The following COL11A1 variants were observed in gnomAD, a reference collection of about 807,000 sequenced individuals.
COL11A1 encodes the protein collagen type XI alpha 1 chain, also known as collagen alpha-1(XI) chain.
Under a neutral mutation model 265.2 loss-of-function variants are expected in COL11A1, and 74 were observed. The observed-to-expected ratio is 0.28, with a 90% CI of 0.23 to 0.34. The LOEUF (loss-of-function observed/expected upper bound fraction) is 0.34. COL11A1 is among the 10% of genes least tolerant of loss of function. The pLI, the probability that COL11A1 is intolerant of heterozygous loss-of-function variation, is 1.00. For synonymous variants in COL11A1, 816 were observed against 727.6 expected (o/e 1.12, Z -1.96); for missense variants, 2,165 against 2,263.6 (o/e 0.96, Z 0.88).
chr1:102,930,283 TG>T (rs1210181782), intron 46 of COL11A1, among the ~76,000 whole-genome samples: 2 of 151,900 alleles, frequency 1.3e-5, no homozygotes, highest in African/African-American at 4.8e-5. Context: ...CCTAATTTAT[TG>T]AGAGTTTTTA....
chr1:103,039,524 C>T lies in COL11A1; in HGVS notation c.652-8280G>A, dbSNP rs199972597. On this transcript the variant is annotated intron_variant, in intron 4 of 66. Transcript: ENST00000370096. Reference sequence around the variant, plus strand: ...AAGAAAGGAGTAAGACACAAACACACACAGAGGAAAGACCATGTAAAGACA... The same window carrying T: ...AAGAAAGGAGTAAGACACAAACACATACAGAGGAAAGACCATGTAAAGACA... 5.9e-5 allele frequency among the ~76,000 whole-genome samples: 9 copies of T among 152,138 alleles called. No individual in the cohort carries two copies. In the East Asian group the frequency reaches 9.7e-4, roughly 16 times the overall value.
At chr1:102,969,148 T>C (rs1043729678) in intron 37 of COL11A1, among the ~76,000 whole-genome samples, 2 of 152,206 alleles carry the variant, frequency 1.3e-5, no homozygotes, top group Admixed American at 1.3e-4. Context: ...TCAATTTTGC[T>C]TTTGAAATCC....
intron 58 of COL11A1, 49 bp downstream of exon 58, chr1:102,890,402 G>T: frequency 7.0e-7 from 1 of 1,430,052 alleles, no homozygotes. Flanking sequence ...AGGGCTATTA[G>T]TATATAAAAG....
intron 63 of COL11A1, chr1:102,884,207 G>A (rs754354336): frequency 6.6e-6 from 1 of 152,148 alleles, no homozygotes; most frequent in Non-Finnish European, 1.5e-5. Flanking sequence ...GGCAAGTCAT[G>A]GAAATTAGAA....
intron 4 of COL11A1, among the ~76,000 whole-genome samples, chr1:103,048,566 T>C (rs552649993): frequency 3.9e-5 from 6 of 152,164 alleles, no homozygotes; most frequent in Non-Finnish European, 8.8e-5. Flanking sequence ...GACTCACTGA[T>C]TTTTTGAAGG....
intron 30 of COL11A1, 96 bp from the exon 31 acceptor site, chr1:102,984,287 T>G (rs981086633): frequency 2.6e-6 from 2 of 757,512 alleles, no homozygotes; most frequent in Admixed American, 5.0e-5. Context: ...AATCACATAT[T>G]GTACACTCAA....
chr1:102,945,162 T>C (rs1264275632), intron 42 of COL11A1, among the ~76,000 whole-genome samples: 1 of 152,228 alleles, frequency 6.6e-6, no homozygotes, highest in Non-Finnish European at 1.5e-5. Flanking sequence ...GAAAGCTGAT[T>C]AGGCCATGAG....
chr1:103,026,484 T>A, intron 5 of COL11A1, 152 bp from the exon 6 acceptor site: 1 of 651,894 alleles, frequency 1.5e-6, no homozygotes, highest in Non-Finnish European at 2.8e-6. Context: ...CATAGAAGTA[T>A]TATACTGTCT....
At chr1:102,903,834 T>C (rs1653542291) in intron 54 of COL11A1, among the ~76,000 whole-genome samples, 1 of 152,162 alleles carries the variant, frequency 6.6e-6, no homozygotes, top group Non-Finnish European at 1.5e-5. Flanking sequence ...ATATGTACAG[T>C]GTATAAACAG....
chr1:102,977,799 A>T (rs1662647542), intron 35 of COL11A1, among the ~76,000 whole-genome samples: 1 of 152,108 alleles, frequency 6.6e-6, no homozygotes, highest in African/African-American at 2.4e-5. Context: ...AAATTAATTA[A>T]ATATGAGCCA....
rs145924969 is a variant in COL11A1 at position 102,973,752 on chromosome 1, A to C, written c.2808+1078T>G. Among the ~76,000 whole-genome samples, 252 of 152,330 alleles carry C rather than the reference A, an allele frequency of 1.7e-3. 1 individual carries two copies. Among genetic ancestry groups the C allele is most frequent in the Middle Eastern group, 0.01 (3 of 292 alleles). ...TTTCTATAACCTTGTAATACAGATA[A>C]CAATACTTTCCTAATATCTTTGCAG... On this transcript the variant is annotated intron_variant, in intron 36 of 66. Coordinates refer to ENST00000370096, the MANE Select transcript of COL11A1 (RefSeq NM_001854.4).
At chr1:102,941,187 T>C (rs1175553765) in intron 42 of COL11A1, among the ~76,000 whole-genome samples, 1 of 152,134 alleles carries the variant, frequency 6.6e-6, no homozygotes, top group African/African-American at 2.4e-5. Context: ...TAACATCTCC[T>C]GCTCCTTTAA....
chr1:103,005,889 T>A lies in COL11A1; in HGVS notation c.1794A>T (p.Gly598=), dbSNP rs199986197. 3 of 1,588,814 alleles carry A rather than the reference T, an allele frequency of 1.9e-6. No individual in the cohort carries two copies. Among genetic ancestry groups the A allele is most frequent in the Non-Finnish European group, 2.6e-6 (3 of 1,171,646 alleles). The change falls in exon 18 of 67, where the codon GGA becomes GGT. Residue 598 remains glycine, a splice_region_variant and synonymous_variant. Transcript: ENST00000370096. ...RGMPGEPGAK[G]DRGFDGLPGL... is the part of the protein sequence containing the mutation. ...CCGGAAGTCCATCAAACCCTCGATC[T>A]CCCTGTAAAACCATCATCATCATCA...
chr1:103,041,788 A>G (rs551984384), intron 4 of COL11A1, among the ~76,000 whole-genome samples: 3 of 152,130 alleles, frequency 2.0e-5, no homozygotes, highest in African/African-American at 4.8e-5. Context: ...TGAACATGCA[A>G]TATCTGTTGA....
chr1:103,011,074 G>A (rs938597676), intron 14 of COL11A1, among the ~76,000 whole-genome samples: 1 of 152,058 alleles, frequency 6.6e-6, no homozygotes, highest in Non-Finnish European at 1.5e-5. Context: ...CCTGGTGCAC[G>A]TATTAAAATT....
intron 30 of COL11A1, among the ~76,000 whole-genome samples, chr1:102,985,672 T>C (rs937502638): frequency 3.1e-4 from 47 of 152,272 alleles, no homozygotes; most frequent in African/African-American, 1.1e-3. Flanking sequence ...TAAACTAACA[T>C]ATACTAATGA....
At chr1:103,088,146 TC>T (rs1673024566) in intron 1 of COL11A1, among the ~76,000 whole-genome samples, 1 of 152,134 alleles carries the variant, frequency 6.6e-6, no homozygotes, top group Admixed American at 6.5e-5. Context: ...TTGTTTCATC[TC>T]TAATTCCTTC....
chr1:102,914,932 AT>A, intron 50 of COL11A1, 121 bp from the exon 51 acceptor site: 8 of 790,476 alleles, frequency 1.0e-5, no homozygotes, highest in Non-Finnish European at 1.0e-5. Context: ...TTTAGACGGA[AT>A]ATCACTTTGT....
In COL11A1 at chr1:102,935,117, C is replaced by T. The variant is rs370294344; in HGVS notation, c.3439-4G>A. The T allele has an allele frequency of 1.2e-6, 2 of 1,613,146 alleles. No individual in the cohort carries two copies. Among genetic ancestry groups the T allele is most frequent in the African/African-American group, 1.3e-5 (1 of 74,886 alleles). On this transcript the variant is annotated splice_polypyrimidine_tract_variant and splice_region_variant and intron_variant, in intron 44 of 66. Coordinates refer to ENST00000370096, the MANE Select transcript of COL11A1 (RefSeq NM_001854.4). ...GACCTGGGGGACCGGGAGGGCCCTG[C>T]AGTGAGATAAAAATAAGTAATTTTT...
Sources: gnomAD v4.1 joint callset for allele counts (sites outside exome capture counted in the v4.1 genomes callset) on GRCh38, gnomAD v4.1.1 for gene constraint, MANE v1.5 for transcripts, NCBI Gene and HGNC (gene_info 2026-07-23, HGNC 2026-07-21) for gene names.